SEC24A: variants seen among roughly 807,000 people sequenced by gnomAD.
SEC24A encodes the protein SEC24 homolog A, COPII component.
Under a neutral mutation model 129.4 loss-of-function variants are expected in SEC24A, and 93 were observed. The ratio of observed to expected loss-of-function variants is 0.72; its 90% CI spans 0.61 to 0.85. The LOEUF (loss-of-function observed/expected upper bound fraction) is 0.85, where lower values mean the gene tolerates loss of function less well. SEC24A is among the 40% of genes least tolerant of loss of function. The pLI, the probability that SEC24A is intolerant of heterozygous loss-of-function variation, is 0.00. For synonymous variants in SEC24A, 460 were observed against 467.3 expected (o/e 0.98, Z 0.20); for missense variants, 1,264 against 1,307.4 (o/e 0.97, Z 0.51).
chr5:134,685,849 C>G (rs1341584673), intron 9 of SEC24A, among the ~76,000 whole-genome samples: 1 of 151,888 alleles, frequency 6.6e-6, no homozygotes. Flanking sequence ...ATTAGCCGGG[C>G]GTGGTGGCGC....
intron 2 of SEC24A, among the ~76,000 whole-genome samples, chr5:134,664,385 T>G (rs1750580826): frequency 6.6e-6 from 1 of 152,124 alleles, no homozygotes; most frequent in Non-Finnish European, 1.5e-5. Context: ...ATCATTATAC[T>G]CATTTAGGGG....
chr5:134,708,651 A>G, intron 17 of SEC24A, 62 bp from the exon 18 acceptor site: 1 of 1,435,200 alleles, frequency 7.0e-7, no homozygotes, highest in South Asian at 1.3e-5. Context: ...TTCTATCCTT[A>G]ACAGTGGACT....
At position 134,686,317 on chromosome 5, in the gene SEC24A, C is replaced by T. The variant is rs996196842; in HGVS notation, c.1492-473C>T. ...TGGCATAATCTCGGCTCACTGCAAC[C>T]TCCATCTCTCAGGTTCAAGTGATCC... is the stretch of plus-strand genomic sequence containing the variant. On this transcript the variant is annotated intron_variant, in intron 9 of 22. Coordinates refer to ENST00000398844, the MANE Select transcript of SEC24A (RefSeq NM_021982.3). 1.3e-3 allele frequency among the ~76,000 whole-genome samples: 194 copies of T among 151,982 alleles called. 3 individuals carry two copies. The highest frequency in any genetic ancestry group is 3.4e-4 in the Non-Finnish European group (23 of 68,012).
At chr5:134,708,598 GTAAAT>G in intron 17 of SEC24A, 110 bp from the exon 18 acceptor site, 1 of 931,184 alleles carries the variant, frequency 1.1e-6, no homozygotes, top group Non-Finnish European at 1.6e-6. Flanking sequence ...TGTGTATGTA[GTAAAT>G]TGGAGAGATA....
intron 3 of SEC24A, among the ~76,000 whole-genome samples, chr5:134,671,154 C>T (rs546189811): frequency 6.6e-6 from 1 of 152,216 alleles, no homozygotes; most frequent in Admixed American, 6.5e-5. Context: ...AAGGAATTCC[C>T]TGTCTCAGCC....
chr5:134,659,047 T>TTTTATTAA, intron 1 of SEC24A, among the ~76,000 whole-genome samples: 1 of 138,830 alleles, frequency 7.2e-6, no homozygotes, highest in South Asian at 2.3e-4. Flanking sequence ...ACCCATTTAT[T>TTTTATTAA]TTTATTTATT....
chr5:134,721,689 T>C (rs1355186878), intron 21 of SEC24A, among the ~76,000 whole-genome samples: 1 of 151,272 alleles, frequency 6.6e-6, no homozygotes, highest in Non-Finnish European at 1.5e-5. Flanking sequence ...CTAAGCAACA[T>C]AGTGAGACCC....
At chr5:134,713,158 C>T (rs1350845628) in intron 18 of SEC24A, among the ~76,000 whole-genome samples, 1 of 152,040 alleles carries the variant, frequency 6.6e-6, no homozygotes, top group African/African-American at 2.4e-5. Flanking sequence ...GTCTCGATCT[C>T]CTGACCTTGT....
intron 9 of SEC24A, 64 bp from the exon 10 acceptor site, chr5:134,686,726 A>T: frequency 2.2e-6 from 2 of 905,446 alleles, no homozygotes; most frequent in East Asian, 5.0e-5. Context: ...CTGTATGTGT[A>T]CCCAGCAAAT....
intron 16 of SEC24A, among the ~76,000 whole-genome samples, chr5:134,704,198 T>G (rs1030983748): frequency 3.9e-5 from 6 of 151,946 alleles, no homozygotes; most frequent in Non-Finnish European, 7.4e-5. Context: ...GCCACCCGAG[T>G]AATTGGGAGT....
intron 18 of SEC24A, among the ~76,000 whole-genome samples, chr5:134,709,942 C>G (rs1453091690): frequency 1.3e-5 from 2 of 152,134 alleles, no homozygotes; most frequent in African/African-American, 2.4e-5. Context: ...CTCTGTCACC[C>G]AGGCTGGAGT....
At chr5:134,695,988 C>T (rs1303363806) in intron 13 of SEC24A, among the ~76,000 whole-genome samples, 1 of 150,356 alleles carries the variant, frequency 6.7e-6, no homozygotes. Context: ...TGATAGTGGC[C>T]AGGTGTGGTG....
rs116985068 is a variant in SEC24A at position 134,727,641 on chromosome 5, T to G, written c.*2547T>G. ...ACAAATGTAATCCTTATATAGAAAT[T>G]TTAATTTTGTAAAGTAGTGTATAAT... On this transcript the variant is annotated 3_prime_UTR_variant, in exon 23 of 23. Transcript: ENST00000398844. 1,153 of 152,712 alleles carry G rather than the reference T, an allele frequency of 7.6e-3. 5 individuals are homozygous for G. The highest frequency in any genetic ancestry group is 0.041 in the Middle Eastern group (12 of 294). The allele number at this position is 152,712 out of a possible 1,614,324, so 9.5% of individuals were successfully genotyped here.
At chr5:134,652,478 G>C (rs1750090933) in intron 1 of SEC24A, among the ~76,000 whole-genome samples, 1 of 151,256 alleles carries the variant, frequency 6.6e-6, no homozygotes, top group Non-Finnish European at 1.5e-5. Flanking sequence ...TAGAGACGGG[G>C]TTTCGCCACG....
At chr5:134,658,800 T>G (rs1456298113) in intron 1 of SEC24A, among the ~76,000 whole-genome samples, 1 of 152,120 alleles carries the variant, frequency 6.6e-6, no homozygotes, top group Non-Finnish European at 1.5e-5. Context: ...GCTTTTAGAA[T>G]AGATATGATA....
rs1752742808 is a variant in SEC24A at position 134,725,711 on chromosome 5, T to C, written c.*617T>C. On this transcript the variant is annotated 3_prime_UTR_variant, in exon 23 of 23. Transcript: ENST00000398844. ...TTCAAGCTTTAAAATCTGTCAGTAT[T>C]CTTTATGCTTGAAGAACAAAGTCAC... 1 of 152,526 alleles carries C rather than the reference T, an allele frequency of 6.6e-6. No individual in the cohort carries two copies. Among genetic ancestry groups the C allele is most frequent in the South Asian group, 2.1e-4 (1 of 4,834 alleles). The allele number at this position is 152,526 out of a possible 1,614,324, so 9.4% of individuals were successfully genotyped here. A position where few individuals can be genotyped will look rare whatever the true frequency, so the allele number is the denominator to read the frequency against.
intron 2 of SEC24A, 118 bp from the exon 3 acceptor site, chr5:134,666,705 C>T: frequency 3.9e-6 from 3 of 770,764 alleles, no homozygotes; most frequent in Non-Finnish European, 6.5e-6. Flanking sequence ...TTTCTGGTAA[C>T]TCTTTGGTTA....
chr5:134,719,129 T>G (rs1281250256), intron 20 of SEC24A, among the ~76,000 whole-genome samples: 1 of 152,134 alleles, frequency 6.6e-6, no homozygotes, highest in Non-Finnish European at 1.5e-5. Context: ...TGCCTGTAAT[T>G]GCAGCGCTTT....
chr5:134,648,486 A>G (rs1749930736), upstream of SEC24A: 1 of 152,520 alleles, frequency 6.6e-6, no homozygotes. Context: ...ACCCCACGAA[A>G]GCGGCTACTG....
Sources: gnomAD v4.1 joint callset for allele counts (sites outside exome capture counted in the v4.1 genomes callset) on GRCh38, gnomAD v4.1.1 for gene constraint, MANE v1.5 for transcripts, NCBI Gene and HGNC (gene_info 2026-07-23, HGNC 2026-07-21) for gene names.